The following CCDC138 variants were observed in gnomAD, a reference collection of about 807,000 sequenced individuals.
CCDC138 encodes coiled-coil domain containing 138, also known as coiled-coil domain-containing protein 138.
CCDC138 carries 66 observed loss-of-function variants against 82.3 expected under a neutral mutation model. The observed-to-expected ratio is 0.80, with a 90% CI of 0.66 to 0.98. The LOEUF (loss-of-function observed/expected upper bound fraction) is 0.98, where lower values mean the gene tolerates loss of function less well. CCDC138 is among the 50% of genes least tolerant of loss of function. CCDC138 has a pLI of 0.00. For synonymous variants in CCDC138, 297 were observed against 265.4 expected (o/e 1.12, Z -1.16); for missense variants, 816 against 758.9 (o/e 1.08, Z -0.88).
downstream of CCDC138, among the ~76,000 whole-genome samples, chr2:108,877,618 G>A (rs758075129): frequency 1.3e-5 from 2 of 152,134 alleles, no homozygotes; most frequent in Non-Finnish European, 2.9e-5. Flanking sequence ...ACTCATGAGA[G>A]TGGATGGCAG....
downstream of CCDC138, among the ~76,000 whole-genome samples, chr2:108,880,653 T>G (rs1388261097): frequency 6.6e-6 from 1 of 152,138 alleles, no homozygotes; most frequent in African/African-American, 2.4e-5. Context: ...CTGCCTGTAC[T>G]CTATAAATGG....
chr2:108,832,002 G>A (rs1470623620), intron 10 of CCDC138, among the ~76,000 whole-genome samples: 1 of 151,426 alleles, frequency 6.6e-6, no homozygotes, highest in Non-Finnish European at 1.5e-5. Context: ...CGAAGTGCTG[G>A]GATTACAAGC....
intron 10 of CCDC138, among the ~76,000 whole-genome samples, chr2:108,822,505 T>C (rs974283564): frequency 6.6e-5 from 10 of 152,156 alleles, no homozygotes; most frequent in African/African-American, 2.4e-4. Context: ...GATACATTCT[T>C]CTCTTCTCAA....
At chr2:108,800,199 G>T (rs1158336313) in intron 6 of CCDC138, among the ~76,000 whole-genome samples, 2 of 152,052 alleles carry the variant, frequency 1.3e-5, no homozygotes, top group Non-Finnish European at 2.9e-5. Context: ...GGGTTCTATT[G>T]TTACCTTCTG....
chr2:108,795,488 C>G (rs915988483), intron 5 of CCDC138, among the ~76,000 whole-genome samples: 2 of 151,988 alleles, frequency 1.3e-5, no homozygotes, highest in Non-Finnish European at 2.9e-5. Context: ...TAAGCATCCA[C>G]GAGAAGTAGA....
intron 10 of CCDC138, among the ~76,000 whole-genome samples, chr2:108,837,923 G>A (rs1183643734): frequency 3.3e-5 from 5 of 151,018 alleles, no homozygotes; most frequent in Middle Eastern, 3.4e-3. Flanking sequence ...TAATTTTTTC[G>A]ATTTTTTTTT....
chr2:108,844,791 A>G (rs1690158366), intron 11 of CCDC138, among the ~76,000 whole-genome samples: 1 of 146,922 alleles, frequency 6.8e-6, no homozygotes, highest in Non-Finnish European at 1.5e-5. Flanking sequence ...TCTGTCATCC[A>G]GGCTGGAGAG....
chr2:108,815,075 C>T (rs1221207837), intron 9 of CCDC138, among the ~76,000 whole-genome samples: 1 of 152,022 alleles, frequency 6.6e-6, no homozygotes, highest in Admixed American at 6.6e-5. Context: ...TTATAAATTA[C>T]TTTGTTATTT....
At chr2:108,823,848 G>C (rs972729141) in intron 10 of CCDC138, among the ~76,000 whole-genome samples, 1 of 152,082 alleles carries the variant, frequency 6.6e-6, no homozygotes, top group Non-Finnish European at 1.5e-5. Flanking sequence ...GTGGTGGCGG[G>C]CATCTGTAAT....
chr2:108,793,257 C>G (rs1203318198), intron 4 of CCDC138, among the ~76,000 whole-genome samples: 4 of 151,790 alleles, frequency 2.6e-5, no homozygotes, highest in Non-Finnish European at 5.9e-5. Flanking sequence ...CCCAGCTGCT[C>G]GGGAGGCGGA....
chr2:108,843,404 T>C (rs1689849510), intron 11 of CCDC138, among the ~76,000 whole-genome samples: 1 of 152,330 alleles, frequency 6.6e-6, no homozygotes, highest in Middle Eastern at 3.4e-3. Flanking sequence ...GTGATCCACC[T>C]GCCGTGGCCT....
At chr2:108,837,486 T>C (rs941323183) in intron 10 of CCDC138, among the ~76,000 whole-genome samples, 1 of 152,122 alleles carries the variant, frequency 6.6e-6, no homozygotes, top group Non-Finnish European at 1.5e-5. Flanking sequence ...TCCCATAATA[T>C]TATAATGGAG....
At chr2:108,870,893 G>T (rs1256873763) in intron 13 of CCDC138, among the ~76,000 whole-genome samples, 1 of 152,124 alleles carries the variant, frequency 6.6e-6, no homozygotes, top group East Asian at 1.9e-4. Context: ...GAGATGGATG[G>T]TTGCACAGTA....
chr2:108,821,743 A>G (rs1008786697), intron 10 of CCDC138, among the ~76,000 whole-genome samples: 1 of 151,620 alleles, frequency 6.6e-6, no homozygotes, highest in Admixed American at 6.6e-5. Context: ...TCAGAAGTTC[A>G]AGACCAGCCT....
chr2:108,822,703 G>A (rs1221625957), intron 10 of CCDC138, among the ~76,000 whole-genome samples: 1 of 151,946 alleles, frequency 6.6e-6, no homozygotes, highest in African/African-American at 2.4e-5. Context: ...GCAACCATTG[G>A]GTCAAAGAAG....
At chr2:108,809,984 T>G (rs1683524440) in intron 7 of CCDC138, among the ~76,000 whole-genome samples, 1 of 152,116 alleles carries the variant, frequency 6.6e-6, no homozygotes, top group Non-Finnish European at 1.5e-5. Flanking sequence ...TTTTGTACTT[T>G]TAGTAGAGAC....
chr2:108,844,953 G>C (rs1690188353), intron 11 of CCDC138, among the ~76,000 whole-genome samples: 1 of 151,884 alleles, frequency 6.6e-6, no homozygotes, highest in African/African-American at 2.4e-5. Flanking sequence ...TCACCATGTT[G>C]GCCAGAATGG....
chr2:108,839,366 T>G, intron 11 of CCDC138, 65 bp downstream of exon 11: 4 of 1,316,166 alleles, frequency 3.0e-6, no homozygotes, highest in Non-Finnish European at 4.2e-6. Flanking sequence ...TTGATCTTGT[T>G]TCACAATATC....
intron 12 of CCDC138, among the ~76,000 whole-genome samples, chr2:108,851,675 C>G (rs1574225149): frequency 6.6e-6 from 1 of 152,130 alleles, no homozygotes; most frequent in Non-Finnish European, 1.5e-5. Context: ...TGGACTCTCT[C>G]TGGGGAGGAT....
Sources: gnomAD v4.1 joint callset for allele counts (sites outside exome capture counted in the v4.1 genomes callset) on GRCh38, gnomAD v4.1.1 for gene constraint, MANE v1.5 for transcripts, NCBI Gene and HGNC (gene_info 2026-07-23, HGNC 2026-07-21) for gene names.